EIF5B: variants seen among roughly 807,000 people sequenced by gnomAD.
EIF5B encodes eIF-5B.
EIF5B carries 47 observed loss-of-function variants against 147.5 expected under a neutral mutation model. The ratio of observed to expected loss-of-function variants is 0.32; its 90% CI spans 0.25 to 0.41. The LOEUF (loss-of-function observed/expected upper bound fraction) is 0.41, where lower values mean the gene tolerates loss of function less well. EIF5B is among the 10% of genes least tolerant of loss of function. EIF5B has a pLI of 1.00. For missense variants in EIF5B, 1,064 were observed against 1,413.2 expected (o/e 0.75, Z 3.96); for synonymous variants, 455 against 456.2 (o/e 1.00, Z 0.03).
chr2:99,380,229 C>A (rs1017769911), intron 12 of EIF5B, among the ~76,000 whole-genome samples: 2 of 151,714 alleles, frequency 1.3e-5, no homozygotes, highest in Non-Finnish European at 2.9e-5. Flanking sequence ...TTTGTTTGCC[C>A]TTCATAGAGA....
chr2:99,378,506 A>G lies in EIF5B; in HGVS notation c.1843-513A>G, dbSNP rs549996041. On this transcript the variant is annotated intron_variant, in intron 10 of 23. Transcript: ENST00000289371. ...ACTTATTTAAGCTGAACCTTAAATA[A>G]ACAGTCTCCTCCTTGAAAGGTTTTA... is the stretch of plus-strand genomic sequence containing the variant. 2.6e-5 allele frequency among the ~76,000 whole-genome samples: 4 copies of G among 152,342 alleles called. No homozygotes were observed. The East Asian group carries it at 7.7e-4, about 29-fold the overall frequency.
At chr2:99,390,154 G>A (rs1409105420) in intron 15 of EIF5B, 65 bp from the exon 16 acceptor site, 3 of 1,575,772 alleles carry the variant, frequency 1.9e-6, no homozygotes, top group Non-Finnish European at 2.6e-6. Flanking sequence ...GGCTTCTAGT[G>A]AGGCACACCT....
intron 1 of EIF5B, among the ~76,000 whole-genome samples, chr2:99,348,475 A>T (rs940009190): frequency 2.0e-5 from 3 of 152,162 alleles, no homozygotes; most frequent in African/African-American, 7.2e-5. Flanking sequence ...GTAACTGTTG[A>T]TGATCAAAGA....
intron 10 of EIF5B, 75 bp downstream of exon 10, chr2:99,376,711 A>G (rs1185974891): frequency 1.8e-5 from 27 of 1,501,350 alleles, no homozygotes; most frequent in Admixed American, 2.3e-5. Context: ...CTACAACTAA[A>G]GGCTTTGAAC....
intron 10 of EIF5B, 31 bp downstream of exon 10, chr2:99,376,667 C>T: frequency 6.4e-7 from 1 of 1,565,910 alleles, no homozygotes; most frequent in Non-Finnish European, 8.6e-7. Context: ...CTCTACTTTT[C>T]TTCCCACTCC....
At chr2:99,385,372 A>G (rs1338477386) in intron 14 of EIF5B, among the ~76,000 whole-genome samples, 3 of 152,216 alleles carry the variant, frequency 2.0e-5, no homozygotes, top group African/African-American at 7.2e-5. Flanking sequence ...AGGAAGAATC[A>G]GTTAATTGAT....
intron 1 of EIF5B, among the ~76,000 whole-genome samples, chr2:99,349,392 C>T (rs1282132713): frequency 6.6e-6 from 1 of 152,160 alleles, no homozygotes; most frequent in East Asian, 1.9e-4. Flanking sequence ...TGGAAAATAC[C>T]TGTCATTATC....
intron 8 of EIF5B, among the ~76,000 whole-genome samples, chr2:99,371,361 A>C (rs1022718687): frequency 1.3e-5 from 2 of 151,966 alleles, no homozygotes; most frequent in Admixed American, 1.3e-4. Context: ...GGTGGCGGGC[A>C]TCTGTAGTCC....
At position 99,360,538 on chromosome 2, in the gene EIF5B, G is replaced by A; in HGVS notation, c.235G>A (p.Val79Ile). The A allele has an allele frequency of 1.9e-6, 3 of 1,613,170 alleles. No individual in the cohort carries two copies. The highest frequency in any genetic ancestry group is 1.7e-5 in the Admixed American group (1 of 59,812). The change falls in exon 3 of 24, where the codon GTT becomes ATT. Residue 79 changes from valine (V) to isoleucine (I), a missense_variant. Val to Ile is a conservative substitution (Grantham distance 29). This residue lies in a region of EIF5B where 458 missense variants were observed against 451.3 expected (regional missense o/e 1.01). Coordinates refer to ENST00000289371, the MANE Select transcript of EIF5B (RefSeq NM_015904.4). The part of the protein sequence containing the change: ...AQGIKADRET[V>I]AVKPTENNEE... Reference sequence around the variant, plus strand: ...AGGCATCAAAGCTGACAGAGAAACTGTTGCAGTGAAGGTGAAAGACAGACC... The same window carrying A: ...AGGCATCAAAGCTGACAGAGAAACTATTGCAGTGAAGGTGAAAGACAGACC...
At chr2:99,366,384 G>A (rs1261909719) in intron 6 of EIF5B, among the ~76,000 whole-genome samples, 1 of 152,142 alleles carries the variant, frequency 6.6e-6, no homozygotes, top group African/African-American at 2.4e-5. Flanking sequence ...AGGCTGCTAG[G>A]CAAGGAAAAC....
chr2:99,362,875 C>T (rs1307734313), intron 4 of EIF5B, among the ~76,000 whole-genome samples: 1 of 151,744 alleles, frequency 6.6e-6, no homozygotes, highest in Non-Finnish European at 1.5e-5. Flanking sequence ...TCTCCTGTCT[C>T]AGCCTCCCAA....
intron 21 of EIF5B, 83 bp downstream of exon 21, chr2:99,394,966 A>G: frequency 7.7e-7 from 1 of 1,303,362 alleles, no homozygotes; most frequent in Non-Finnish European, 1.0e-6. Flanking sequence ...GGCTGTAAAC[A>G]GCAAAATCAT....
At chr2:99,381,001 A>T (rs1434550368) in intron 12 of EIF5B, among the ~76,000 whole-genome samples, 1 of 152,162 alleles carries the variant, frequency 6.6e-6, no homozygotes, top group East Asian at 1.9e-4. Context: ...TTTGATCATC[A>T]GCTGAATTTC....
chr2:99,390,579 T>C lies in EIF5B; in HGVS notation c.2622T>C (p.Asp874=). 1 of 1,612,988 alleles carries C rather than the reference T, an allele frequency of 6.2e-7. No individual in the cohort carries two copies. Among genetic ancestry groups the C allele is most frequent in the South Asian group, 1.1e-5 (1 of 91,050 alleles). Residue 874 remains aspartate, a synonymous_variant, in exon 17 of 24, where the codon GAT becomes GAC. Coordinates refer to ENST00000289371, the MANE Select transcript of EIF5B (RefSeq NM_015904.4). ...TCCCGGGGATGGGCACCACTATAGA[T>C]GTCATCTTGATCAATGGGCGTTTGA... The part of the protein sequence containing the change: ...KALPGMGTTI[D]VILINGRLKE...
chr2:99,401,262 T>C lies in EIF5B; in HGVS notation c.*1848T>C, dbSNP rs762086858. 5.0e-6 allele frequency: 8 copies of C among 1,609,840 alleles called. No homozygotes were observed. In the Admixed American group the frequency reaches 1.3e-4, roughly 27 times the overall value. ...ATATTTATGTAACTTTTAATGTGCT[T>C]CCATAAGTTTGTTGTAAAACCACCT... On this transcript the variant is annotated 3_prime_UTR_variant, in exon 24 of 24. Coordinates refer to ENST00000289371, the MANE Select transcript of EIF5B (RefSeq NM_015904.4).
Position 99,338,318 on chromosome 2 carries a change from T to G in EIF5B, c.35+729T>G, listed in dbSNP as rs552121117. ...TAAGGGTATATGCGAGTTACTTACC[T>G]AGAGATTTTTGAGACATTTCTGTGT... On this transcript the variant is annotated intron_variant, in intron 1 of 23. Coordinates refer to ENST00000289371, the MANE Select transcript of EIF5B (RefSeq NM_015904.4). The G allele has an allele frequency of 3.9e-6, 5 of 1,289,046 alleles. No homozygotes were observed. The East Asian group carries it at 2.2e-4, about 57-fold the overall frequency. The allele number at this position is 1,289,046 out of a possible 1,614,324, so 79.9% of individuals were successfully genotyped here.
At chr2:99,368,772 G>A (rs898701234) in intron 7 of EIF5B, among the ~76,000 whole-genome samples, 181 bp downstream of exon 7, 1 of 152,098 alleles carries the variant, frequency 6.6e-6, no homozygotes, top group African/African-American at 2.4e-5. Flanking sequence ...CAAGCTAATG[G>A]AAAAAGTATT....
rs1219328485 is a variant in EIF5B, at chr2:99,401,203, G to A, written c.*1789G>A. The A allele has an allele frequency of 7.9e-7, 1 of 1,270,776 alleles. No individual in the cohort carries two copies. The highest frequency in any genetic ancestry group is 1.7e-5 in the Admixed American group (1 of 59,200). 78.7% of individuals were successfully genotyped at this position (1,270,776 alleles called of 1,614,324 possible). On this transcript the variant is annotated 3_prime_UTR_variant, in exon 24 of 24. Transcript: ENST00000289371. ...TGCAAATACCTCACAAGCACTTATG[G>A]CACAGCTATCAGAGAGCATCAGGCT...
In EIF5B at chr2:99,399,420, T is replaced by C; in HGVS notation, c.*6T>C. 1 of 1,613,302 alleles carries C rather than the reference T, an allele frequency of 6.2e-7. No individual in the cohort carries two copies. Among genetic ancestry groups the C allele is most frequent in the Non-Finnish European group, 8.5e-7 (1 of 1,179,336 alleles). ...AAGTATTTGAAATCATCTAATTTTT[T>C]CACATGGAGCAGGAACTGGAGTAAA... On this transcript the variant is annotated 3_prime_UTR_variant, in exon 24 of 24. Transcript: ENST00000289371.
Sources: allele counts gnomAD v4.1 joint callset (sites outside exome capture counted in the v4.1 genomes callset), GRCh38; gene constraint gnomAD v4.1.1; regional missense constraint gnomAD v4.1.1; transcripts MANE v1.5; gene names NCBI Gene and HGNC (gene_info 2026-07-23, HGNC 2026-07-21).